PRSS23: variants seen among roughly 807,000 people sequenced by gnomAD.
The protein encoded by PRSS23 is protease, serine 23.
In PRSS23, 25 loss-of-function variants were observed where a neutral mutation model predicts 34.7. That is an observed-to-expected ratio of 0.72 (90% CI 0.53 to 1.01). The LOEUF (loss-of-function observed/expected upper bound fraction) is 1.01, where lower values mean the gene tolerates loss of function less well. Among genes scored for constraint, PRSS23 ranks in the 50% least tolerant of loss-of-function variants. The pLI is 0.00. For missense variants in PRSS23, 445 were observed against 475.6 expected (o/e 0.94, Z 0.60); for synonymous variants, 176 against 186.6 (o/e 0.94, Z 0.46).
At chr11:86,831,947 C>G (rs576488594) in intron 2 of PRSS23, among the ~76,000 whole-genome samples, 3 of 151,902 alleles carry the variant, frequency 2.0e-5, no homozygotes, top group Non-Finnish European at 4.4e-5. Flanking sequence ...TGTGTGTACA[C>G]CCTGTGATAT....
intron 2 of PRSS23, among the ~76,000 whole-genome samples, chr11:86,879,351 C>G (rs9687341): frequency 1.3e-5 from 2 of 150,648 alleles, no homozygotes; most frequent in East Asian, 4.0e-4. Context: ...GCCTGGCAAC[C>G]GCCCCATATG....
chr11:86,898,760 A>C (rs950825864), intron 2 of PRSS23, among the ~76,000 whole-genome samples: 2 of 152,222 alleles, frequency 1.3e-5, no homozygotes, highest in Non-Finnish European at 2.9e-5. Flanking sequence ...AGGGAATTGC[A>C]TGCGGTGTGC....
intron 2 of PRSS23, chr11:86,910,995 A>G (rs975280997): frequency 7.2e-5 from 11 of 152,112 alleles, no homozygotes; most frequent in African/African-American, 2.7e-4. Context: ...CCCATGTATG[A>G]TTTTTATAAT....
In PRSS23 at chr11:86,808,276, A is replaced by C; in HGVS notation, c.633A>C (p.Ser211=). The change falls in exon 2 of 2, where the codon TCA becomes TCC. Residue 211 remains serine (S), a synonymous_variant. Transcript: ENST00000280258. ...DGGRGANDST[S]AMPEQMKFQW... ...GTCGAGGGGCCAACGACTCCACTTC[A>C]GCCATGCCCGAGCAGATGAAATTTC... 6.2e-7 allele frequency: 1 copy of C among 1,614,116 alleles called. No individual in the cohort carries two copies. The highest frequency in any genetic ancestry group is 1.3e-5 in the African/African-American group (1 of 75,074).
At chr11:86,824,623 TC>T (rs1220877419) in intron 2 of PRSS23, among the ~76,000 whole-genome samples, 2 of 88,380 alleles carry the variant, frequency 2.3e-5, no homozygotes, top group Non-Finnish European at 4.2e-5. Flanking sequence ...AAGCTATCCC[TC>T]CCCCCTCCCC....
downstream of PRSS23, among the ~76,000 whole-genome samples, chr11:86,814,452 G>C (rs1939112): frequency 0.25 from 37,968 of 151,900 alleles, 5,227 homozygotes; most frequent in East Asian, 0.42. Flanking sequence ...CTCAAAGAAA[G>C]CAAGAGAAAA....
At chr11:86,862,565 C>A (rs1418139130) in intron 2 of PRSS23, among the ~76,000 whole-genome samples, 1 of 151,650 alleles carries the variant, frequency 6.6e-6, no homozygotes, top group African/African-American at 2.4e-5. Context: ...TTCCCAATAT[C>A]CAAGGAGAAT....
chr11:86,935,466 A>G (rs1949155242), intron 2 of PRSS23: 2 of 152,108 alleles, frequency 1.3e-5, no homozygotes, highest in Admixed American at 1.3e-4. Flanking sequence ...CCAAAAGTCT[A>G]CGTGTATGGC....
At chr11:86,842,297 C>T (rs886142689) in intron 2 of PRSS23, among the ~76,000 whole-genome samples, 4 of 152,120 alleles carry the variant, frequency 2.6e-5, no homozygotes, top group Admixed American at 1.3e-4. Context: ...ATAATAAGAG[C>T]TATTTATGAC....
In PRSS23 at chr11:86,939,400, AAAAAT is replaced by A. The variant is rs1295431586; in HGVS notation, c.207-11814_207-11810del. ...GTGTTCCTATTTCTCAGTTAAAAAA[AAAAAT>A]ATATATATATATATATATATATTTT... is the stretch of plus-strand genomic sequence containing the variant. On this transcript the variant is annotated intron_variant, in intron 2 of 2. Transcript: ENST00000533902. Among the ~76,000 whole-genome samples, 10 of 64,646 alleles carry A rather than the reference AAAAAT, an allele frequency of 1.5e-4. No individual in the cohort carries two copies. The East Asian group carries it at 2.5e-3, about 16-fold the overall frequency. 42.4% of individuals were successfully genotyped at this position (64,646 alleles called of 152,430 possible).
intron 2 of PRSS23, among the ~76,000 whole-genome samples, chr11:86,854,616 GT>G (rs1948555336): frequency 6.6e-6 from 1 of 152,044 alleles, no homozygotes; most frequent in Admixed American, 6.6e-5. Context: ...TTTTGGCAGC[GT>G]TTTCATTTAG....
chr11:86,835,587 G>A (rs552041166), intron 2 of PRSS23, among the ~76,000 whole-genome samples: 45 of 152,244 alleles, frequency 3.0e-4, no homozygotes, highest in Admixed American at 5.9e-4. Context: ...TGGCTATTTC[G>A]TCTTACCTGG....
At chr11:86,817,532 G>A (rs1227790084) in intron 1 of PRSS23, among the ~76,000 whole-genome samples, 1 of 152,162 alleles carries the variant, frequency 6.6e-6, no homozygotes, top group Non-Finnish European at 1.5e-5. Context: ...AAGACAAAGA[G>A]CCTTGTCTGG....
At chr11:86,943,800 A>G (rs187233900) in intron 2 of PRSS23, among the ~76,000 whole-genome samples, 236 of 151,914 alleles carry the variant, frequency 1.6e-3, no homozygotes, top group Non-Finnish European at 2.5e-3. Flanking sequence ...CTGAAGTGCA[A>G]TGGCACGATC....
intron 2 of PRSS23, among the ~76,000 whole-genome samples, chr11:86,912,467 C>T (rs371306802): frequency 1.3e-5 from 2 of 151,974 alleles, no homozygotes; most frequent in East Asian, 1.9e-4. Flanking sequence ...ATTTTTTTTC[C>T]AATTTTTCTT....
chr11:86,841,319 ACAAG>A (rs1948445830), intron 2 of PRSS23, among the ~76,000 whole-genome samples: 1 of 146,086 alleles, frequency 6.8e-6, no homozygotes, highest in East Asian at 2.0e-4. Context: ...AGCCTGGGCA[ACAAG>A]AGGGAAACTC....
chr11:86,866,246 C>A (rs1948648559), intron 2 of PRSS23, among the ~76,000 whole-genome samples: 1 of 152,122 alleles, frequency 6.6e-6, no homozygotes, highest in Non-Finnish European at 1.5e-5. Context: ...ATTACTGCTG[C>A]CAATACGACC....
At chr11:86,839,540 C>A (rs1273666141) in intron 2 of PRSS23, among the ~76,000 whole-genome samples, 1 of 152,196 alleles carries the variant, frequency 6.6e-6, no homozygotes, top group South Asian at 2.1e-4. Context: ...AGGATATTAT[C>A]CAGGAGAACT....
chr11:86,885,917 G>A (rs910265992), intron 2 of PRSS23, among the ~76,000 whole-genome samples: 3 of 152,190 alleles, frequency 2.0e-5, no homozygotes, highest in Non-Finnish European at 4.4e-5. Context: ...TCTAAAGGCT[G>A]AGCAATTTAT....
Sources: gnomAD v4.1 joint callset for allele counts (sites outside exome capture counted in the v4.1 genomes callset) on GRCh38, gnomAD v4.1.1 for gene constraint, MANE v1.5 for transcripts, NCBI Gene and HGNC (gene_info 2026-07-23, HGNC 2026-07-21) for gene names.